The following TRPC5 variants were observed in gnomAD, a reference collection of about 807,000 sequenced individuals.
TRPC5 encodes the protein short transient receptor potential channel 5.
Under a neutral mutation model 56.5 loss-of-function variants are expected in TRPC5, and 9 were observed. The ratio of observed to expected loss-of-function variants is 0.16; its 90% CI spans 0.10 to 0.28. The LOEUF (loss-of-function observed/expected upper bound fraction) is 0.28. TRPC5 is among the 10% of genes least tolerant of loss of function. The pLI is 1.00. For missense variants in TRPC5, 469 were observed against 748.9 expected, an observed-to-expected ratio of 0.63 and a Z score of 4.36; for synonymous variants, 282 against 278.5, an observed-to-expected ratio of 1.01 and a Z score of -0.13.
chrX:111,872,498 T>C (rs1196019376), intron 3 of TRPC5, among the ~76,000 whole-genome samples: 1 of 111,914 alleles, frequency 8.9e-6, no homozygotes, highest in East Asian at 2.8e-4. Flanking sequence ...ACAAGACACA[T>C]TTTAGAGGGT....
Position 111,901,871 on chromosome X carries a change from G to A in TRPC5, c.900+10420C>T, listed in dbSNP as rs193256593. The A allele has an allele frequency of 4.4e-6, 5 of 1,144,129 alleles. No homozygotes were observed. In the East Asian group the frequency reaches 1.3e-4, roughly 30 times the overall value. 94.3% of individuals were successfully genotyped at this position (1,144,129 alleles called of 1,213,427 possible). A position where few individuals can be genotyped will look rare whatever the true frequency, so the allele number is the denominator to read the frequency against. On this transcript the variant is annotated intron_variant, in intron 3 of 10. Transcript: ENST00000262839. ...CAGCATGGATTCTGTGTTAATTCAT[G>A]TACTCATTGATGGACTTGTTGCTTG... is the stretch of plus-strand genomic sequence containing the variant.
At chrX:111,831,812 T>C (rs1922416122) in intron 7 of TRPC5, among the ~76,000 whole-genome samples, 1 of 111,174 alleles carries the variant, frequency 9.0e-6, no homozygotes, top group African/African-American at 3.3e-5. Flanking sequence ...GAGATGGCCA[T>C]TGTGGGTGGG....
chrX:111,898,330 A>G (rs1415490554), intron 3 of TRPC5, among the ~76,000 whole-genome samples: 4 of 106,074 alleles, frequency 3.8e-5, no homozygotes, highest in African/African-American at 1.0e-4. Flanking sequence ...AATGAACTTT[A>G]TATATTCTGG....
At chrX:112,073,886 T>C (rs1930773315) in intron 1 of TRPC5, among the ~76,000 whole-genome samples, 1 of 112,078 alleles carries the variant, frequency 8.9e-6, no homozygotes, top group African/African-American at 3.2e-5. Context: ...ACTACCTTCA[T>C]CACACATCAC....
intron 1 of TRPC5, among the ~76,000 whole-genome samples, chrX:112,049,950 C>A (rs1930171538): frequency 9.0e-6 from 1 of 111,491 alleles, no homozygotes; most frequent in Admixed American, 9.5e-5. Context: ...CTGAGGCAGG[C>A]GGATCACCTG....
intron 1 of TRPC5, among the ~76,000 whole-genome samples, chrX:111,985,462 C>T (rs1423659477): frequency 8.9e-6 from 1 of 111,836 alleles, no homozygotes; most frequent in African/African-American, 3.3e-5. Context: ...TATTTTCTTT[C>T]CCCCAAATGC....
At chrX:111,834,871 G>T in intron 7 of TRPC5, 50 bp downstream of exon 7, 1 of 1,029,612 alleles carries the variant, frequency 9.7e-7, no homozygotes, top group Non-Finnish European at 1.3e-6. Flanking sequence ...TGCCGATGTT[G>T]CCCCAACCTG....
At chrX:111,905,887 C>G (rs1338955459) in intron 3 of TRPC5, among the ~76,000 whole-genome samples, 1 of 98,620 alleles carries the variant, frequency 1.0e-5, no homozygotes, top group Non-Finnish European at 2.0e-5. Flanking sequence ...TGCACTCCAG[C>G]CTGGGCGACA....
rs775326635 is a variant in TRPC5, at chrX:111,816,914, T to C, written c.1896+18007A>G. Among the ~76,000 whole-genome samples, 133 of 111,669 alleles carry C rather than the reference T, an allele frequency of 1.2e-3. No homozygotes were observed. In the Middle Eastern group the frequency reaches 0.014, roughly 12 times the overall value. On this transcript the variant is annotated intron_variant, in intron 7 of 10. Transcript: ENST00000262839. Reference sequence around the variant, plus strand: ...AGAGGCCTCTGGGTAATATAAAATATGTATATTATAGTTGAGACTTGGAAA... The same window carrying C: ...AGAGGCCTCTGGGTAATATAAAATACGTATATTATAGTTGAGACTTGGAAA...
intron 7 of TRPC5, among the ~76,000 whole-genome samples, chrX:111,784,357 T>G (rs1945943410): frequency 8.9e-6 from 1 of 112,209 alleles, no homozygotes; most frequent in African/African-American, 3.2e-5. Flanking sequence ...AATGAAAAGA[T>G]AACTCATAGA....
intron 7 of TRPC5, among the ~76,000 whole-genome samples, chrX:111,825,204 TTTCTTTCTTTCTTTC>T (rs1922180451): frequency 7.2e-5 from 6 of 83,143 alleles, no homozygotes; most frequent in Non-Finnish European, 1.4e-4. Flanking sequence ...TCTTTCTTTC[TTTCTTTCTTTCTTTC>T]TTCTTTCTTT....
intron 1 of TRPC5, among the ~76,000 whole-genome samples, chrX:112,055,892 A>G (rs1376351325): frequency 5.5e-5 from 6 of 109,953 alleles, no homozygotes; most frequent in Non-Finnish European, 1.1e-4. Context: ...AGGGGGAGGG[A>G]GAAATTGTAC....
chrX:111,921,202 G>A (rs912716836), intron 2 of TRPC5, among the ~76,000 whole-genome samples: 4 of 111,024 alleles, frequency 3.6e-5, no homozygotes, highest in African/African-American at 9.8e-5. Flanking sequence ...TTACAATGTC[G>A]TTTCATTACA....
At position 111,782,184 on chromosome X, in the gene TRPC5, C is replaced by T. The variant is rs149982119; in HGVS notation, c.1897-46G>A. 1,331 of 1,077,287 alleles carry T rather than the reference C, an allele frequency of 1.2e-3. 5 individuals carry two copies. The African/African-American group carries it at 0.02, about 16-fold the overall frequency. The allele number at this position is 1,077,287 out of a possible 1,213,427, so 88.8% of individuals were successfully genotyped here. ...CAAGGATTTGGGATGGGAAACTGCACGATGTACTCACTTCTTATTCTAAAC... is the reference window on the plus strand; with the variant it reads ...CAAGGATTTGGGATGGGAAACTGCATGATGTACTCACTTCTTATTCTAAAC... On this transcript the variant is annotated intron_variant, in intron 7 of 10. Coordinates refer to ENST00000262839, the MANE Select transcript of TRPC5 (RefSeq NM_012471.3).
intron 1 of TRPC5, among the ~76,000 whole-genome samples, chrX:111,999,057 T>A (rs1928625375): frequency 9.0e-6 from 1 of 111,514 alleles, no homozygotes; most frequent in Non-Finnish European, 1.9e-5. Context: ...ATGCCCCACA[T>A]ACATTAGGTA....
intron 1 of TRPC5, among the ~76,000 whole-genome samples, chrX:111,973,989 AGT>A (rs747387747): frequency 7.1e-5 from 8 of 112,145 alleles, no homozygotes; most frequent in African/African-American, 2.6e-4. Context: ...GAATTAAAGA[AGT>A]GATGAGGAAA....
intron 7 of TRPC5, among the ~76,000 whole-genome samples, chrX:111,806,140 C>T (rs1921503107): frequency 1.8e-5 from 2 of 111,683 alleles, no homozygotes; most frequent in African/African-American, 6.5e-5. Context: ...AACAAGGTAC[C>T]TCTAAGTAAA....
At chrX:111,806,687 A>G (rs1229851805) in intron 7 of TRPC5, among the ~76,000 whole-genome samples, 4 of 112,182 alleles carry the variant, frequency 3.6e-5, no homozygotes, top group Non-Finnish European at 5.6e-5. Flanking sequence ...GGTGTACAAC[A>G]TGATGTTTTG....
chrX:111,781,343 G>A, intron 8 of TRPC5, 137 bp from the exon 9 acceptor site: 1 of 511,879 alleles, frequency 2.0e-6, no homozygotes, highest in South Asian at 3.2e-5. Flanking sequence ...AATCCCCAAA[G>A]CAAATGTATG....
Sources: gnomAD v4.1 joint callset for allele counts (sites outside exome capture counted in the v4.1 genomes callset) on GRCh38, gnomAD v4.1.1 for gene constraint, MANE v1.5 for transcripts, NCBI Gene and HGNC (gene_info 2026-07-23, HGNC 2026-07-21) for gene names.